SNX29: variants seen among roughly 807,000 people sequenced by gnomAD.
The protein encoded by SNX29 is sorting nexin-29.
SNX29 carries 78 observed loss-of-function variants against 102.1 expected under a neutral mutation model. The observed-to-expected ratio is 0.76, with a 90% confidence interval of 0.64 to 0.92. SNX29 has a LOEUF of 0.92. Among genes scored for constraint, SNX29 ranks in the 40% least tolerant of loss-of-function variants. SNX29 has a pLI of 0.00. For missense variants in SNX29, 1,280 were observed against 1,061.7 expected (o/e 1.21, Z -2.86); for synonymous variants, 580 against 414.5 (o/e 1.40, Z -4.85).
At chr16:12,292,909 G>T (rs1011037267) in intron 15 of SNX29, among the ~76,000 whole-genome samples, 3 of 152,124 alleles carry the variant, frequency 2.0e-5, no homozygotes, top group African/African-American at 7.2e-5. Flanking sequence ...TCTTACAGAA[G>T]AATTTTTGCT....
chr16:12,015,864 T>C (rs1276942503), intron 3 of SNX29, among the ~76,000 whole-genome samples: 1 of 150,282 alleles, frequency 6.7e-6, no homozygotes, highest in East Asian at 2.0e-4. Context: ...ATGATTCTTT[T>C]TATTTATTTA....
chr16:12,447,611 G>A (rs923275843), intron 18 of SNX29, among the ~76,000 whole-genome samples: 1 of 152,322 alleles, frequency 6.6e-6, no homozygotes, highest in East Asian at 1.9e-4. Flanking sequence ...ATATTCCCTT[G>A]CTGTGAGACC....
chr16:12,564,892 G>A (rs1290107426), intron 20 of SNX29, among the ~76,000 whole-genome samples: 2 of 151,194 alleles, frequency 1.3e-5, no homozygotes, highest in Admixed American at 1.3e-4. Context: ...GATCCTGTGG[G>A]GAGGAGGCAT....
intron 15 of SNX29, among the ~76,000 whole-genome samples, chr16:12,337,342 T>C (rs1162013337): frequency 1.3e-5 from 2 of 151,872 alleles, no homozygotes; most frequent in East Asian, 1.9e-4. Flanking sequence ...GATGGGTGTT[T>C]TGTTGTTGTT....
intron 1 of SNX29, among the ~76,000 whole-genome samples, chr16:11,990,947 T>G (rs1391562875): frequency 6.6e-6 from 1 of 152,252 alleles, no homozygotes; most frequent in Non-Finnish European, 1.5e-5. Context: ...CGTTACATAT[T>G]ATCTATGGCT....
At chr16:12,134,125 C>G (rs1425720784) in intron 13 of SNX29, among the ~76,000 whole-genome samples, 2 of 152,138 alleles carry the variant, frequency 1.3e-5, no homozygotes, top group Non-Finnish European at 2.9e-5. Flanking sequence ...ATTAAGAAAG[C>G]TCAAGCTATG....
chr16:12,044,725 C>T (rs1472122796), intron 5 of SNX29, among the ~76,000 whole-genome samples: 3 of 152,096 alleles, frequency 2.0e-5, no homozygotes, highest in Non-Finnish European at 2.9e-5. Flanking sequence ...TCTGCCAGCG[C>T]CTGCCACCAT....
In SNX29 at chr16:12,113,193, A is replaced by AT. The variant is rs2053565008; in HGVS notation, c.1403-13436dup. On this transcript the variant is annotated intron_variant, in intron 11 of 20. Transcript: ENST00000566228. ...GGCAGGCATTAGCACGGCATCTTTC[A>AT]TTTTGCAGATGCCTAATCTCTTTTC... Among the ~76,000 whole-genome samples the AT allele has an allele frequency of 2.0e-5, 3 of 152,104 alleles. No homozygotes were observed. In the South Asian group the frequency reaches 6.2e-4, roughly 32 times the overall value.
At chr16:12,435,821 C>T (rs947518829) in intron 18 of SNX29, among the ~76,000 whole-genome samples, 1 of 152,196 alleles carries the variant, frequency 6.6e-6, no homozygotes, top group African/African-American at 2.4e-5. Context: ...CCCCTGGCTT[C>T]TGGGCCTTGG....
At chr16:12,351,888 GTGAT>G (rs2082000604) in intron 15 of SNX29, among the ~76,000 whole-genome samples, 2 of 152,134 alleles carry the variant, frequency 1.3e-5, no homozygotes, top group African/African-American at 4.8e-5. Context: ...TTGAGGAACA[GTGAT>G]TGATTAGTGC....
At chr16:12,127,500 C>T (rs1233609288) in intron 12 of SNX29, among the ~76,000 whole-genome samples, 1 of 150,102 alleles carries the variant, frequency 6.7e-6, no homozygotes, top group East Asian at 2.1e-4. Flanking sequence ...CTGCTCACTG[C>T]AACCTCCACC....
intron 16 of SNX29, among the ~76,000 whole-genome samples, chr16:12,361,115 T>C (rs2082287688): frequency 6.6e-6 from 1 of 152,184 alleles, no homozygotes. Context: ...ATCTACCTCC[T>C]CTGAGAAAGG....
chr16:12,225,271 T>C (rs2077579854), intron 14 of SNX29, among the ~76,000 whole-genome samples: 1 of 152,160 alleles, frequency 6.6e-6, no homozygotes, highest in South Asian at 2.1e-4. Context: ...ATAAACTTTG[T>C]AGTAGGCATC....
rs144487306 is a variant in SNX29 at position 12,287,296 on chromosome 16, C to A, written c.1782+9260C>A. On this transcript the variant is annotated intron_variant, in intron 15 of 20. Coordinates refer to ENST00000566228, the MANE Select transcript of SNX29 (RefSeq NM_032167.5). ...GGGTTTCCAGCCTCCAGCATGGTCTCCTTTACAAACAGACTCCTTCCCTAA... is the reference window on the plus strand; with the variant it reads ...GGGTTTCCAGCCTCCAGCATGGTCTACTTTACAAACAGACTCCTTCCCTAA... Among the ~76,000 whole-genome samples the A allele has an allele frequency of 3.2e-3, 482 of 152,290 alleles. 1 individual carries two copies. Among genetic ancestry groups the A allele is most frequent in the Non-Finnish European group, 4.0e-3 (271 of 68,030 alleles).
intron 19 of SNX29, among the ~76,000 whole-genome samples, chr16:12,523,314 C>T (rs141744338): frequency 7.2e-5 from 11 of 152,344 alleles, no homozygotes; most frequent in East Asian, 1.9e-4. Context: ...TCATCTGTTA[C>T]GCGCCGTCGT....
intron 18 of SNX29, among the ~76,000 whole-genome samples, chr16:12,453,239 A>G (rs753902090): frequency 1.3e-5 from 2 of 152,202 alleles, no homozygotes; most frequent in Non-Finnish European, 2.9e-5. Flanking sequence ...TGGCCAATCA[A>G]TCACAGACTT....
chr16:12,263,291 C>G (rs988907052), intron 14 of SNX29, among the ~76,000 whole-genome samples: 2 of 152,090 alleles, frequency 1.3e-5, no homozygotes, highest in Non-Finnish European at 2.9e-5. Context: ...ACATAGCCAG[C>G]TAATTTTTAT....
intron 19 of SNX29, among the ~76,000 whole-genome samples, chr16:12,496,064 G>A (rs1567622677): frequency 6.6e-6 from 1 of 152,132 alleles, no homozygotes; most frequent in Non-Finnish European, 1.5e-5. Flanking sequence ...AATGTCTGCA[G>A]GTTTCAGTGA....
At position 12,431,434 on chromosome 16, in the gene SNX29, C is replaced by CTTCTTCTT. The variant is rs779738786; in HGVS notation, c.2037+27907_2037+27908insCTTCTTTT. On this transcript the variant is annotated intron_variant, in intron 18 of 20. Transcript: ENST00000566228. ...TTGAGCTTTTCTTCTTCTTCTTCTT[C>CTTCTTCTT]TTTTTTTTTTTTTGTTTTTGTTTTT... 6.2e-3 allele frequency among the ~76,000 whole-genome samples: 842 copies of CTTCTTCTT among 136,892 alleles called. 5 individuals are homozygous for CTTCTTCTT. The highest frequency in any genetic ancestry group is 0.022 in the African/African-American group (808 of 36,866). The allele number at this position is 136,892 out of a possible 152,430, so 89.8% of individuals were successfully genotyped here.
Sources: gnomAD v4.1 joint callset for allele counts (sites outside exome capture counted in the v4.1 genomes callset) on GRCh38, gnomAD v4.1.1 for gene constraint, MANE v1.5 for transcripts, NCBI Gene and HGNC (gene_info 2026-07-23, HGNC 2026-07-21) for gene names.